The following UST variants were observed in gnomAD, a reference collection of about 807,000 sequenced individuals.
UST encodes uronyl 2-sulfotransferase.
In UST, 21 loss-of-function variants were observed where a neutral mutation model predicts 45.6. The ratio of observed to expected loss-of-function variants is 0.46; its 90% CI spans 0.33 to 0.66. The LOEUF (loss-of-function observed/expected upper bound fraction) is 0.66, where lower values mean the gene tolerates loss of function less well. Ranked by LOEUF, UST falls within the 30% of genes least tolerant of loss-of-function variation. The pLI, the probability that UST is intolerant of heterozygous loss-of-function variation, is 0.02. For synonymous variants in UST, 215 were observed against 200.6 expected (o/e 1.07, Z -0.61); for missense variants, 463 against 512.4 (o/e 0.90, Z 0.93).
intron 7 of UST, among the ~76,000 whole-genome samples, chr6:149,056,961 A>G (rs1158542167): frequency 2.0e-5 from 3 of 152,196 alleles, no homozygotes; most frequent in Admixed American, 2.0e-4. Context: ...TCAAGGGTTT[A>G]TCAAAATTTC....
chr6:149,054,748 A>G (rs1311114171), intron 7 of UST, among the ~76,000 whole-genome samples: 1 of 152,206 alleles, frequency 6.6e-6, no homozygotes, highest in Non-Finnish European at 1.5e-5. Context: ...TGGGTCAGAA[A>G]TTGTCAAAGA....
intron 1 of UST, among the ~76,000 whole-genome samples, chr6:148,770,854 G>T (rs1036163579): frequency 1.3e-5 from 2 of 151,902 alleles, no homozygotes; most frequent in Non-Finnish European, 2.9e-5. Context: ...TTGCCTTTTC[G>T]CCTCATGCCA....
At chr6:148,850,266 G>A (rs1167406595) in intron 1 of UST, among the ~76,000 whole-genome samples, 1 of 152,150 alleles carries the variant, frequency 6.6e-6, no homozygotes, top group African/African-American at 2.4e-5. Context: ...CCACGGTGGA[G>A]CCAGCATTTG....
intron 1 of UST, among the ~76,000 whole-genome samples, chr6:148,863,198 T>C (rs1166871070): frequency 6.6e-6 from 1 of 152,200 alleles, no homozygotes; most frequent in African/African-American, 2.4e-5. Flanking sequence ...GTTCGTTTAT[T>C]TTTACTCTTT....
At chr6:149,012,615 TG>T (rs1775830915) in intron 5 of UST, among the ~76,000 whole-genome samples, 1 of 152,224 alleles carries the variant, frequency 6.6e-6, no homozygotes, top group Admixed American at 6.5e-5. Context: ...TATATCATCG[TG>T]TTACATTGCG....
intron 5 of UST, among the ~76,000 whole-genome samples, chr6:149,009,784 T>C (rs1775773828): frequency 6.6e-6 from 1 of 151,312 alleles, no homozygotes. Context: ...CAGAGAGGCA[T>C]AGAACAAGAG....
rs1178196068 is a variant in UST, at chr6:148,747,507, C to T, written c.77C>T (p.Pro26Leu). 1.6e-5 allele frequency: 25 copies of T among 1,531,024 alleles called. No individual in the cohort carries two copies. Among genetic ancestry groups the T allele is most frequent in the Admixed American group, 2.0e-5 (1 of 48,864 alleles). 94.8% of individuals were successfully genotyped at this position (1,531,024 alleles called of 1,614,324 possible). ...GGGGCCCCTATGGGGGGCGCCCCTC[C>T]GGGCCTGGGCAGCTGGAAGCGTCGG... ...PHGAPMGGAP[P>L]GLGSWKRRVP... The change falls in exon 1 of 8, where the codon CCG becomes CTG. Residue 26 changes from proline to leucine, a missense_variant. This residue lies in a region of UST where 176 missense variants were observed against 138.3 expected (regional missense o/e 1.27). Coordinates refer to ENST00000367463, the MANE Select transcript of UST (RefSeq NM_005715.3).
chr6:148,900,060 T>A (rs1354511774), intron 2 of UST, among the ~76,000 whole-genome samples: 1 of 152,358 alleles, frequency 6.6e-6, no homozygotes, highest in African/African-American at 2.4e-5. Context: ...ATTTCCTTTA[T>A]AACAAATAAT....
chr6:149,059,754 G>C (rs1776625133), intron 7 of UST, among the ~76,000 whole-genome samples: 1 of 152,110 alleles, frequency 6.6e-6, no homozygotes, highest in African/African-American at 2.4e-5. Flanking sequence ...AGCAATTTCA[G>C]CAGATTCTGA....
At chr6:148,966,936 C>A (rs2114962684) in intron 5 of UST, among the ~76,000 whole-genome samples, 1 of 152,192 alleles carries the variant, frequency 6.6e-6, no homozygotes, top group Admixed American at 6.5e-5. Flanking sequence ...GGGGGTTTCA[C>A]CATGTTGGCC....
intron 1 of UST, among the ~76,000 whole-genome samples, chr6:148,881,730 G>C (rs1778826055): frequency 6.6e-6 from 1 of 152,140 alleles, no homozygotes; most frequent in Admixed American, 6.5e-5. Context: ...TCGACTCCTT[G>C]ACAAGGCAGA....
At chr6:148,791,302 A>G (rs17084886) in intron 1 of UST, among the ~76,000 whole-genome samples, 18,938 of 152,252 alleles carry the variant, frequency 0.12, 1,300 homozygotes, top group African/African-American at 0.15. Context: ...TGTATGGATG[A>G]GCATTGGTCA....
chr6:148,863,251 C>T (rs1778355156), intron 1 of UST, among the ~76,000 whole-genome samples: 1 of 152,130 alleles, frequency 6.6e-6, no homozygotes, highest in East Asian at 1.9e-4. Context: ...TTCATTTGAT[C>T]TTCAATCACT....
chr6:148,872,661 G>A (rs1269599051), intron 1 of UST, among the ~76,000 whole-genome samples: 1 of 152,150 alleles, frequency 6.6e-6, no homozygotes, highest in Non-Finnish European at 1.5e-5. Context: ...ATCTGAACTG[G>A]GTTTTAATGG....
At chr6:149,010,237 T>C (rs1775783324) in intron 5 of UST, among the ~76,000 whole-genome samples, 1 of 152,246 alleles carries the variant, frequency 6.6e-6, no homozygotes, top group Non-Finnish European at 1.5e-5. Context: ...AACCAGTTTG[T>C]CTGTTAGCCA....
intron 7 of UST, among the ~76,000 whole-genome samples, chr6:149,047,072 T>C (rs1304031782): frequency 6.6e-6 from 1 of 152,226 alleles, no homozygotes; most frequent in Non-Finnish European, 1.5e-5. Flanking sequence ...CAAATGCAAA[T>C]GTCGAGGTCA....
At chr6:148,948,530 G>A (rs1038040746) in intron 3 of UST, among the ~76,000 whole-genome samples, 2 of 151,886 alleles carry the variant, frequency 1.3e-5, no homozygotes, top group Non-Finnish European at 2.9e-5. Context: ...TTTTCTTTTA[G>A]GTATCTTTCA....
At chr6:149,064,566 GGGAA>G (rs765966302) in intron 7 of UST, among the ~76,000 whole-genome samples, 6 of 152,204 alleles carry the variant, frequency 3.9e-5, no homozygotes, top group Non-Finnish European at 8.8e-5. Context: ...TGCAGAAAGA[GGGAA>G]GGAAGATGAT....
intron 2 of UST, among the ~76,000 whole-genome samples, chr6:148,929,322 C>T (rs1219404122): frequency 3.3e-5 from 5 of 152,200 alleles, no homozygotes; most frequent in Admixed American, 1.3e-4. Flanking sequence ...TTCCTTTGCT[C>T]ATGGCTAGTT....
Sources: allele counts gnomAD v4.1 joint callset (sites outside exome capture counted in the v4.1 genomes callset), GRCh38; gene constraint gnomAD v4.1.1; regional missense constraint gnomAD v4.1.1; transcripts MANE v1.5; gene names NCBI Gene and HGNC (gene_info 2026-07-23, HGNC 2026-07-21).